EBF3: variants seen among roughly 807,000 people sequenced by gnomAD.
EBF3 encodes the protein EBF transcription factor 3, also known as transcription factor COE3.
In EBF3, 18 loss-of-function variants were observed where a neutral mutation model predicts 77.1. The observed-to-expected ratio is 0.23, with a 90% CI of 0.16 to 0.35. EBF3 has a LOEUF of 0.35. Among genes scored for constraint, EBF3 ranks in the 10% least tolerant of loss-of-function variants. The pLI is 1.00. For missense variants in EBF3, 558 were observed against 860.0 expected, an observed-to-expected ratio of 0.65 and a Z score of 4.39; for synonymous variants, 350 against 343.5, an observed-to-expected ratio of 1.02 and a Z score of -0.21.
At chr10:129,887,062 G>GGGGC (rs1853652709) in intron 6 of EBF3, among the ~76,000 whole-genome samples, 1 of 103,982 alleles carries the variant, frequency 9.6e-6, no homozygotes, top group African/African-American at 3.6e-5. Flanking sequence ...GGCGGGGGGG[G>GGGGC]GGGGGAGGTG....
rs117022439 is a variant in EBF3 at position 129,947,892 on chromosome 10, G to T, written c.554+9366C>A. The stretch of plus-strand genomic sequence containing the variant: ...AGAAAAAAAAAATTATATTCAAAGA[G>T]AGTATTATCGGTGAGCTAAAAAGTC... On this transcript the variant is annotated intron_variant, in intron 6 of 16. Coordinates refer to ENST00000440978, the MANE Select transcript of EBF3 (RefSeq NM_001375380.1). This position sits in a 1 kb window ranked among gnomAD's most constrained non-coding sequence, Gnocchi z 4.5. Among the ~76,000 whole-genome samples, 3,528 of 152,170 alleles carry T rather than the reference G, an allele frequency of 0.023. 65 individuals are homozygous for T. The highest frequency in any genetic ancestry group is 0.031 in the Non-Finnish European group (2,129 of 68,006).
At chr10:129,880,369 G>A (rs534270903) in intron 6 of EBF3, among the ~76,000 whole-genome samples, 3 of 151,306 alleles carry the variant, frequency 2.0e-5, no homozygotes, top group South Asian at 2.1e-4. Flanking sequence ...ATGCCCACAT[G>A]CCCACACTTG....
chr10:129,917,291 C>T (rs994352092), intron 6 of EBF3, among the ~76,000 whole-genome samples: 4 of 152,294 alleles, frequency 2.6e-5, no homozygotes, highest in Non-Finnish European at 4.4e-5. Context: ...ACCACTTGAA[C>T]CTGGGACATC....
chr10:129,923,907 A>T (rs60982019), intron 6 of EBF3, among the ~76,000 whole-genome samples: 14,357 of 152,270 alleles, frequency 0.094, 773 homozygotes, highest in East Asian at 0.15. Context: ...AAGGGATTTT[A>T]TCCAGAATAT....
intron 7 of EBF3, among the ~76,000 whole-genome samples, chr10:129,874,861 C>T (rs952150904): frequency 2.0e-5 from 3 of 152,196 alleles, no homozygotes; most frequent in Non-Finnish European, 4.4e-5. Flanking sequence ...AATCGCGACA[C>T]ATCAGTGTTG....
intron 6 of EBF3, among the ~76,000 whole-genome samples, chr10:129,949,126 C>T (rs112200429): frequency 0.057 from 8,599 of 152,164 alleles, 294 homozygotes; most frequent in Middle Eastern, 0.078. Context: ...TGGAGAAACC[C>T]TGTCTCTACT....
chr10:129,880,430 GAC>G (rs575237075), intron 6 of EBF3, among the ~76,000 whole-genome samples: 62 of 151,882 alleles, frequency 4.1e-4, no homozygotes, highest in East Asian at 5.8e-4. Flanking sequence ...CACACATGCA[GAC>G]ACACACGCGC....
Position 129,864,382 on chromosome 10 carries a change from AATGCAC to A in EBF3, c.1039+2753_1039+2758del, listed in dbSNP as rs1851851760. ...CCCTACACATCCGCAACTGTCTCCA[AATGCAC>A]AGCCCAAGGCCTTTCTCTGCAGCAC... On this transcript the variant is annotated intron_variant, in intron 10 of 16. Coordinates refer to ENST00000440978, the MANE Select transcript of EBF3 (RefSeq NM_001375380.1). This position sits in a 1 kb window ranked among gnomAD's most constrained non-coding sequence, Gnocchi z 4.4. 6.6e-6 allele frequency among the ~76,000 whole-genome samples: 1 copy of A among 152,174 alleles called. No homozygotes were observed. The highest frequency in any genetic ancestry group is 2.1e-4 in the South Asian group (1 of 4,830).
rs542519690 is a variant in EBF3 at position 129,898,064 on chromosome 10, T to C, written c.555-20215A>G. Among the ~76,000 whole-genome samples, 3 of 152,352 alleles carry C rather than the reference T, an allele frequency of 2.0e-5. No individual in the cohort carries two copies. In the East Asian group the frequency reaches 5.8e-4, roughly 29 times the overall value. ...AAAAGGGCAGAGCTCAGCGCTCCTG[T>C]TGGGCTCCCAGAGACAAGCATTTTC... is the stretch of plus-strand genomic sequence containing the variant. On this transcript the variant is annotated intron_variant, in intron 6 of 16. Coordinates refer to ENST00000440978, the MANE Select transcript of EBF3 (RefSeq NM_001375380.1).
chr10:129,911,108 T>C (rs987990449), intron 6 of EBF3, among the ~76,000 whole-genome samples: 1 of 152,172 alleles, frequency 6.6e-6, no homozygotes, highest in Non-Finnish European at 1.5e-5. Flanking sequence ...GGGTCATTCC[T>C]TTATAACAGA....
intron 6 of EBF3, among the ~76,000 whole-genome samples, chr10:129,910,152 G>A (rs986446125): frequency 1.3e-5 from 2 of 152,202 alleles, no homozygotes; most frequent in African/African-American, 4.8e-5. Flanking sequence ...GGGGCCATGT[G>A]GGGCAGACAC....
intron 6 of EBF3, among the ~76,000 whole-genome samples, chr10:129,931,018 ATC>A (rs756844621): frequency 4.0e-4 from 59 of 148,522 alleles, no homozygotes; most frequent in African/African-American, 1.4e-3. Context: ...ATATACCTAT[ATC>A]TGTCTATATC....
At chr10:129,950,726 C>G (rs2134568032) in intron 6 of EBF3, among the ~76,000 whole-genome samples, 1 of 152,240 alleles carries the variant, frequency 6.6e-6, no homozygotes, top group African/African-American at 2.4e-5. Context: ...ATGAATAATG[C>G]CAGCATAATG....
intron 6 of EBF3, among the ~76,000 whole-genome samples, chr10:129,939,377 C>T (rs565048880): frequency 5.5e-4 from 84 of 152,340 alleles, no homozygotes; most frequent in African/African-American, 1.8e-3. Context: ...ACATAAGAAA[C>T]TCCAGACTTC....
chr10:129,849,251 A>C (rs1850689349), intron 10 of EBF3, among the ~76,000 whole-genome samples: 1 of 152,346 alleles, frequency 6.6e-6, no homozygotes. Flanking sequence ...TGACTCCAAC[A>C]AAAACTGAGC....
intron 6 of EBF3, among the ~76,000 whole-genome samples, chr10:129,893,698 C>T (rs372000603): frequency 1.8e-4 from 27 of 152,342 alleles, no homozygotes; most frequent in African/African-American, 6.5e-4. Context: ...CTGCAAATCA[C>T]AGCGCACGCA....
intron 6 of EBF3, among the ~76,000 whole-genome samples, chr10:129,904,179 T>C (rs1473727124): frequency 6.6e-6 from 1 of 152,200 alleles, no homozygotes; most frequent in Non-Finnish European, 1.5e-5. Context: ...TTCATCTTCA[T>C]AGCCAGGACC....
Position 129,897,097 on chromosome 10 carries a change from G to A in EBF3, c.555-19248C>T, listed in dbSNP as rs1053464295. The stretch of plus-strand genomic sequence containing the variant: ...AACCTGAGCAGAGATGGGCCTAGAC[G>A]GGCAGTTGGAGCTGGGAGACAGGAA... On this transcript the variant is annotated intron_variant, in intron 6 of 16. Transcript: ENST00000440978. This position sits in a 1 kb window ranked among gnomAD's most constrained non-coding sequence, Gnocchi z 4.6. Among the ~76,000 whole-genome samples the A allele has an allele frequency of 4.6e-5, 7 of 152,198 alleles. No individual in the cohort carries two copies. Among genetic ancestry groups the A allele is most frequent in the Admixed American group, 3.3e-4 (5 of 15,284 alleles).
chr10:129,946,278 A>G (rs2134533452), intron 6 of EBF3, among the ~76,000 whole-genome samples: 1 of 152,304 alleles, frequency 6.6e-6, no homozygotes, highest in African/African-American at 2.4e-5. Context: ...ACTCTGAAAC[A>G]ATGTAAATTA....
Sources: allele counts gnomAD v4.1 joint callset (sites outside exome capture counted in the v4.1 genomes callset), GRCh38; gene constraint gnomAD v4.1.1; non-coding constraint Gnocchi (gnomAD v3.1); transcripts MANE v1.5; gene names NCBI Gene and HGNC (gene_info 2026-07-23, HGNC 2026-07-21).